Variants in GRM7 observed in about 807,000 individuals in gnomAD.
GRM7 encodes the protein metabotropic glutamate receptor 7.
A neutral mutation model predicts 84.5 loss-of-function variants in GRM7; 35 were observed. The ratio of observed to expected loss-of-function variants is 0.41; its 90% CI spans 0.32 to 0.55. The LOEUF (loss-of-function observed/expected upper bound fraction) is 0.55. GRM7 is among the 20% of genes least tolerant of loss of function. GRM7 has a pLI of 0.19. For synonymous variants in GRM7, 487 were observed against 455.1 expected (o/e 1.07, Z -0.89); for missense variants, 1,003 against 1,194.6 (o/e 0.84, Z 2.36).
chr3:6,936,758 A>G (rs750247124), intron 1 of GRM7, among the ~76,000 whole-genome samples: 14 of 152,188 alleles, frequency 9.2e-5, no homozygotes, highest in Non-Finnish European at 1.5e-4. Context: ...TTTTAATGGC[A>G]GCCTAGTAAT....
rs538837151 is a variant in GRM7, at chr3:6,916,596, A to G, written c.519+54689A>G. Reference sequence around the variant, plus strand: ...GCTCTCGGCATCTTGGGCACCTTCTATGTGTCCTCACATGGTGGAAGGGGG... The same window carrying G: ...GCTCTCGGCATCTTGGGCACCTTCTGTGTGTCCTCACATGGTGGAAGGGGG... On this transcript the variant is annotated intron_variant, in intron 1 of 9. Coordinates refer to ENST00000357716, the MANE Select transcript of GRM7 (RefSeq NM_000844.4). 3.3e-5 allele frequency among the ~76,000 whole-genome samples: 5 copies of G among 152,228 alleles called. No homozygotes were observed. The East Asian group carries it at 5.8e-4, about 18-fold the overall frequency.
At chr3:7,334,852 T>G (rs1388972938) in intron 4 of GRM7, among the ~76,000 whole-genome samples, 1 of 152,072 alleles carries the variant, frequency 6.6e-6, no homozygotes, top group Non-Finnish European at 1.5e-5. Context: ...AGGACTAGTC[T>G]AACAGGAAAA....
chr3:7,655,669 C>A (rs1347619319), intron 8 of GRM7, among the ~76,000 whole-genome samples: 1 of 152,140 alleles, frequency 6.6e-6, no homozygotes, highest in African/African-American at 2.4e-5. Context: ...TCCCTTACTA[C>A]CACCTTCACA....
At chr3:7,581,859 ATT>A (rs61185913) in intron 8 of GRM7, among the ~76,000 whole-genome samples, 2 of 149,164 alleles carry the variant, frequency 1.3e-5, no homozygotes, top group Non-Finnish European at 3.0e-5. Flanking sequence ...TCTTTTCCTT[ATT>A]TTTTTTTTGC....
At chr3:6,925,643 T>G (rs1697272310) in intron 1 of GRM7, among the ~76,000 whole-genome samples, 1 of 152,214 alleles carries the variant, frequency 6.6e-6, no homozygotes, top group South Asian at 2.1e-4. Flanking sequence ...AGTGGTCATC[T>G]AGTCTCATTT....
chr3:7,271,605 C>T (rs1252834204), intron 2 of GRM7, among the ~76,000 whole-genome samples: 2 of 151,372 alleles, frequency 1.3e-5, no homozygotes, highest in Non-Finnish European at 2.9e-5. Flanking sequence ...AATCTCAGGC[C>T]CTACTCCAGA....
chr3:6,896,769 T>C (rs1027209694), intron 1 of GRM7, among the ~76,000 whole-genome samples: 1 of 152,156 alleles, frequency 6.6e-6, no homozygotes, highest in African/African-American at 2.4e-5. Context: ...AAAATGCCTA[T>C]CTCCACTTGT....
chr3:6,959,649 G>A (rs1032781937), intron 1 of GRM7, among the ~76,000 whole-genome samples: 15 of 152,112 alleles, frequency 9.9e-5, no homozygotes, highest in African/African-American at 3.6e-4. Flanking sequence ...TAGTTACAAA[G>A]CACATATATC....
At chr3:7,723,106 T>C (rs1702010437) in intron 9 of GRM7, among the ~76,000 whole-genome samples, 1 of 152,218 alleles carries the variant, frequency 6.6e-6, no homozygotes, top group South Asian at 2.1e-4. Flanking sequence ...TATTTTTGTC[T>C]TTAAACATTT....
In GRM7 at chr3:6,928,323, TC is replaced by T. The variant is rs1303213516; in HGVS notation, c.519+66419del. Among the ~76,000 whole-genome samples, 6 of 152,120 alleles carry T rather than the reference TC, an allele frequency of 3.9e-5. No individual in the cohort carries two copies. The highest frequency in any genetic ancestry group is 1.4e-4 in the African/African-American group (6 of 41,426). On this transcript the variant is annotated intron_variant, in intron 1 of 9. Transcript: ENST00000357716. The surrounding 1 kb of genome is among the most constrained non-coding windows in gnomAD (Gnocchi z 4.5). Reference sequence around the variant, plus strand: ...TAGATATGATTAAGCCCCACAGTTTTCCCATGAAAGTTTACTATTTGGCACT... The same window carrying T: ...TAGATATGATTAAGCCCCACAGTTTTCCATGAAAGTTTACTATTTGGCACT...
chr3:7,088,985 G>A (rs1288356762), intron 1 of GRM7, among the ~76,000 whole-genome samples: 1 of 152,082 alleles, frequency 6.6e-6, no homozygotes, highest in African/African-American at 2.4e-5. Flanking sequence ...GCTGAGAAGA[G>A]AAAAGCCCAG....
chr3:7,577,930 A>C (rs796843768), intron 7 of GRM7, among the ~76,000 whole-genome samples: 15 of 152,362 alleles, frequency 9.8e-5, no homozygotes, highest in African/African-American at 3.4e-4. Flanking sequence ...CATTTTTAAA[A>C]AATAAAACAC....
At chr3:6,950,723 C>T (rs542447221) in intron 1 of GRM7, among the ~76,000 whole-genome samples, 70 of 152,304 alleles carry the variant, frequency 4.6e-4, no homozygotes, top group South Asian at 1.0e-3. Context: ...GCTTCAGGGC[C>T]GCTTTGTTTA....
At chr3:7,134,311 G>A (rs530340602) in intron 1 of GRM7, among the ~76,000 whole-genome samples, 1 of 152,034 alleles carries the variant, frequency 6.6e-6, no homozygotes, top group South Asian at 2.1e-4. Flanking sequence ...TAAAAAAATG[G>A]GATGAGACAA....
intron 2 of GRM7, among the ~76,000 whole-genome samples, chr3:7,208,791 A>T (rs895353482): frequency 6.6e-6 from 1 of 152,130 alleles, no homozygotes; most frequent in Non-Finnish European, 1.5e-5. Flanking sequence ...CAAGTGTCTG[A>T]GTGTAAGAGC....
chr3:7,445,202 G>C (rs146431387), intron 5 of GRM7, among the ~76,000 whole-genome samples: 5 of 152,044 alleles, frequency 3.3e-5, no homozygotes, highest in African/African-American at 7.2e-5. Flanking sequence ...ATCATGGCCC[G>C]CATGAACTTT....
At position 7,495,059 on chromosome 3, in the gene GRM7, A is replaced by G. The variant is rs148239547; in HGVS notation, c.1515+33337A>G. ...ATTGTGTTAGGAGGCATTGTGTCTTATATATATGTTTTATTTTAGCAGGAG... is the reference window on the plus strand; with the variant it reads ...ATTGTGTTAGGAGGCATTGTGTCTTGTATATATGTTTTATTTTAGCAGGAG... On this transcript the variant is annotated intron_variant, in intron 7 of 9. Transcript: ENST00000357716. Among the ~76,000 whole-genome samples, 32 of 152,198 alleles carry G rather than the reference A, an allele frequency of 2.1e-4. No homozygotes were observed. In the East Asian group the frequency reaches 6.2e-3, roughly 29 times the overall value.
intron 1 of GRM7, among the ~76,000 whole-genome samples, chr3:7,058,449 C>T (rs1697309013): frequency 6.6e-6 from 1 of 151,666 alleles, no homozygotes; most frequent in South Asian, 2.1e-4. Context: ...CAGAGAGGAA[C>T]AAATTACTTA....
At chr3:7,682,394 T>C (rs1700412007) in intron 9 of GRM7, 1 of 150,710 alleles carries the variant, frequency 6.6e-6, no homozygotes, top group South Asian at 2.1e-4. Flanking sequence ...TATGAACATA[T>C]GTGTGCATCT....
Sources: allele counts gnomAD v4.1 joint callset (sites outside exome capture counted in the v4.1 genomes callset), GRCh38; gene constraint gnomAD v4.1.1; non-coding constraint Gnocchi (gnomAD v3.1); transcripts MANE v1.5; gene names NCBI Gene and HGNC (gene_info 2026-07-23, HGNC 2026-07-21).